The following ANKH variants were observed in gnomAD, a reference collection of about 807,000 sequenced individuals.
ANKH encodes the protein mineralization regulator ANKH.
In ANKH, 15 loss-of-function variants were observed where a neutral mutation model predicts 49.0. The observed-to-expected ratio is 0.31, with a 90% CI of 0.20 to 0.47. The LOEUF (loss-of-function observed/expected upper bound fraction) is 0.47. Ranked by LOEUF, ANKH falls within the 20% of genes least tolerant of loss-of-function variation. ANKH has a pLI of 1.00. For missense variants in ANKH, 429 were observed against 652.0 expected, an observed-to-expected ratio of 0.66 and a Z score of 3.72; for synonymous variants, 273 against 260.0, an observed-to-expected ratio of 1.05 and a Z score of -0.48.
intron 6 of ANKH, 107 bp from the exon 7 acceptor site, chr5:14,746,069 G>C: frequency 1.2e-6 from 1 of 840,956 alleles, no homozygotes; most frequent in South Asian, 1.4e-5. Context: ...ACTGAGGACA[G>C]AGCCCGCTAC....
intron 8 of ANKH, 197 bp from the exon 9 acceptor site, chr5:14,717,032 C>A: frequency 1.6e-6 from 1 of 625,196 alleles, no homozygotes; most frequent in Non-Finnish European, 2.8e-6. Flanking sequence ...GTCCATTAGC[C>A]ATGTCTGTAC....
chr5:14,860,416 T>C (rs997595112), intron 1 of ANKH, among the ~76,000 whole-genome samples: 32 of 152,332 alleles, frequency 2.1e-4, no homozygotes, highest in Non-Finnish European at 4.3e-4. Context: ...TTTGCCTTTA[T>C]AAAATGTCAA....
chr5:14,732,051 C>A (rs185525768), intron 8 of ANKH, among the ~76,000 whole-genome samples: 221 of 152,286 alleles, frequency 1.5e-3, no homozygotes, highest in African/African-American at 5.1e-3. Flanking sequence ...CTGAGGACTT[C>A]AAAATGTTAA....
intron 8 of ANKH, chr5:14,724,567 A>G (rs745835202): frequency 3.0e-6 from 3 of 985,460 alleles, no homozygotes; most frequent in Non-Finnish European, 3.6e-6. Context: ...ACTATGCTAC[A>G]GTCCGAAACA....
intron 1 of ANKH, among the ~76,000 whole-genome samples, chr5:14,846,892 C>A (rs1004811376): frequency 6.6e-6 from 1 of 151,760 alleles, no homozygotes; most frequent in Non-Finnish European, 1.5e-5. Flanking sequence ...CCTGTAGTCC[C>A]AGCTACTCGG....
intron 6 of ANKH, among the ~76,000 whole-genome samples, chr5:14,748,422 C>G (rs1738607708): frequency 6.6e-6 from 1 of 152,206 alleles, no homozygotes; most frequent in South Asian, 2.1e-4. Flanking sequence ...ACAGGGGGCC[C>G]TCGTGGGCAG....
chr5:14,738,784 T>C (rs1738264073), intron 8 of ANKH, among the ~76,000 whole-genome samples: 1 of 148,238 alleles, frequency 6.7e-6, no homozygotes, highest in African/African-American at 2.5e-5. Context: ...AAAAAGAAAA[T>C]AGACTAGAAA....
chr5:14,712,898 A>G lies in ANKH; in HGVS notation c.1341T>C (p.Ala447=), dbSNP rs1737286909. The change falls in exon 11 of 12, where the codon GCT becomes GCC. Residue 447 remains alanine, a synonymous_variant. Coordinates refer to ENST00000284268, the MANE Select transcript of ANKH (RefSeq NM_054027.6). ...CCTGCTTCCGGTAGACATAGCACGC[A>G]GCGATGGCGACCATGGTGGATTCTC... ...FVGESTMVAI[A]ACYVYRKQKK... is the part of the protein sequence containing the mutation. 1.2e-6 allele frequency: 2 copies of G among 1,612,282 alleles called. No homozygotes were observed. The highest frequency in any genetic ancestry group is 1.3e-5 in the African/African-American group (1 of 74,916).
intron 8 of ANKH, among the ~76,000 whole-genome samples, chr5:14,729,970 T>C (rs1157844918): frequency 3.3e-5 from 5 of 152,216 alleles, no homozygotes; most frequent in Admixed American, 1.3e-4. Flanking sequence ...TAAACACCTT[T>C]ATCCTCAGTT....
chr5:14,798,187 T>C, intron 1 of ANKH: 2 of 1,581,922 alleles, frequency 1.3e-6, no homozygotes, highest in Non-Finnish European at 1.7e-6. Context: ...TCATCCGATG[T>C]GTGTGTCCCC....
chr5:14,849,255 T>C (rs548181904), intron 1 of ANKH, among the ~76,000 whole-genome samples: 21 of 152,362 alleles, frequency 1.4e-4, no homozygotes, highest in African/African-American at 4.1e-4. Flanking sequence ...CTCTTCCATC[T>C]TCTCATCTAT....
Position 14,725,697 on chromosome 5 carries a change from T to C in ANKH, c.1012-8862A>G, listed in dbSNP as rs1041881831. On this transcript the variant is annotated intron_variant, in intron 8 of 11. Coordinates refer to ENST00000284268, the MANE Select transcript of ANKH (RefSeq NM_054027.6). The surrounding 1 kb of genome is among the most constrained non-coding windows in gnomAD (Gnocchi z 4.0). ...TTAGGACTGATTGAATTTTCCTCTT[T>C]GTATTTTTCCGTGGCTTCCACAAAG... 3.5e-4 allele frequency among the ~76,000 whole-genome samples: 53 copies of C among 152,376 alleles called. No homozygotes were observed. Among genetic ancestry groups the C allele is most frequent in the Admixed American group, 2.0e-4 (3 of 15,306 alleles).
intron 1 of ANKH, among the ~76,000 whole-genome samples, chr5:14,861,436 C>T (rs1735488626): frequency 6.6e-6 from 1 of 152,204 alleles, no homozygotes; most frequent in African/African-American, 2.4e-5. Context: ...CTCAACCTCA[C>T]TTTTGAAGCC....
At chr5:14,801,160 A>G (rs940830770) in intron 1 of ANKH, among the ~76,000 whole-genome samples, 3 of 152,222 alleles carry the variant, frequency 2.0e-5, no homozygotes, top group East Asian at 1.9e-4. Flanking sequence ...TTTGATGTAC[A>G]TATCTTGGAA....
chr5:14,771,937 A>AAAAAAAAAAAAAAC (rs1561048114), intron 1 of ANKH, among the ~76,000 whole-genome samples: 4 of 140,386 alleles, frequency 2.8e-5, no homozygotes, highest in African/African-American at 5.4e-5. Context: ...AAAAAAAAAA[A>AAAAAAAAAAAAAAC]AAAAAAAAAA....
chr5:14,827,448 T>C (rs1741376941), intron 1 of ANKH, among the ~76,000 whole-genome samples: 1 of 152,180 alleles, frequency 6.6e-6, no homozygotes, highest in South Asian at 2.1e-4. Flanking sequence ...CTTTTAAAGA[T>C]AAATGCACAC....
At position 14,713,762 on chromosome 5, in the gene ANKH, G is replaced by C. The variant is rs1427617281; in HGVS notation, c.1142-95C>G. ...AGGGCAGCACATCCGAGAGCCAGGGGCTGCCTAGGACCCTGGCCTTGCTGT... is the reference window on the plus strand; with the variant it reads ...AGGGCAGCACATCCGAGAGCCAGGGCCTGCCTAGGACCCTGGCCTTGCTGT... On this transcript the variant is annotated intron_variant, in intron 9 of 11. Coordinates refer to ENST00000284268, the MANE Select transcript of ANKH (RefSeq NM_054027.6). This position sits in a 1 kb window ranked among gnomAD's most constrained non-coding sequence, Gnocchi z 4.4. 6.4e-7 allele frequency: 1 copy of C among 1,552,374 alleles called. No homozygotes were observed. Among genetic ancestry groups the C allele is most frequent in the African/African-American group, 1.4e-5 (1 of 73,746 alleles).
intron 1 of ANKH, among the ~76,000 whole-genome samples, chr5:14,845,083 A>G (rs1399959627): frequency 6.6e-6 from 1 of 151,900 alleles, no homozygotes; most frequent in East Asian, 1.9e-4. Flanking sequence ...GAGGACTTTA[A>G]TAAGGTATCT....
chr5:14,829,681 T>C (rs899410590), intron 1 of ANKH, among the ~76,000 whole-genome samples: 10 of 152,206 alleles, frequency 6.6e-5, no homozygotes, highest in Non-Finnish European at 1.5e-4. Context: ...AATCAGTCTT[T>C]GAGAAAACCT....
Sources: gnomAD v4.1 joint callset for allele counts (sites outside exome capture counted in the v4.1 genomes callset) on GRCh38, gnomAD v4.1.1 for gene constraint, Gnocchi (gnomAD v3.1) non-coding constraint, MANE v1.5 for transcripts, NCBI Gene and HGNC (gene_info 2026-07-23, HGNC 2026-07-21) for gene names.